BICC1: variants seen among roughly 807,000 people sequenced by gnomAD.
BICC1 encodes protein bicaudal C homolog 1.
BICC1 carries 43 observed loss-of-function variants against 111.0 expected under a neutral mutation model. The ratio of observed to expected loss-of-function variants is 0.39; its 90% CI spans 0.30 to 0.50. BICC1 has a LOEUF of 0.50. Among genes scored for constraint, BICC1 ranks in the 20% least tolerant of loss-of-function variants. BICC1 has a pLI of 0.88. For synonymous variants in BICC1, 467 were observed against 434.4 expected (o/e 1.07, Z -0.93); for missense variants, 1,091 against 1,203.2 (o/e 0.91, Z 1.38).
intron 2 of BICC1, among the ~76,000 whole-genome samples, chr10:58,672,196 T>C (rs1264888059): frequency 6.6e-6 from 1 of 152,150 alleles, no homozygotes; most frequent in Non-Finnish European, 1.5e-5. Flanking sequence ...CCAGAACTTT[T>C]TCATTATCCA....
chr10:58,824,111 G>A lies in BICC1; in HGVS notation c.2794+3643G>A, dbSNP rs564172075. On this transcript the variant is annotated intron_variant, in intron 20 of 20. Coordinates refer to ENST00000373886, the MANE Select transcript of BICC1 (RefSeq NM_001080512.3). ...GTTATCTGGCATACTTGGAACTATC[G>A]ATTTCTCAGATTTGTATTCCTGATG... 18 of 983,446 alleles carry A rather than the reference G, an allele frequency of 1.8e-5. No individual in the cohort carries two copies. The African/African-American group carries it at 1.9e-4, about 10-fold the overall frequency. 60.9% of individuals were successfully genotyped at this position (983,446 alleles called of 1,614,324 possible).
At chr10:58,614,086 A>G (rs1264010647) in intron 1 of BICC1, among the ~76,000 whole-genome samples, 1 of 152,146 alleles carries the variant, frequency 6.6e-6, no homozygotes, top group East Asian at 1.9e-4. Context: ...TTTTGATACT[A>G]ATGAATGCAG....
chr10:58,813,623 CT>C (rs969225421), intron 17 of BICC1, among the ~76,000 whole-genome samples: 2 of 152,308 alleles, frequency 1.3e-5, no homozygotes, highest in Admixed American at 1.3e-4. Flanking sequence ...AAAGACTTCA[CT>C]GTGCAAATTA....
intron 3 of BICC1, among the ~76,000 whole-genome samples, chr10:58,757,871 T>C (rs191533757): frequency 9.3e-4 from 141 of 152,312 alleles, no homozygotes; most frequent in Non-Finnish European, 1.7e-3. Context: ...GCTTCTCTTT[T>C]TGCTGCCACA....
chr10:58,789,962 T>C lies in BICC1; in HGVS notation c.1047+29T>C, dbSNP rs750134253. 16 of 1,610,516 alleles carry C rather than the reference T, an allele frequency of 9.9e-6. No homozygotes were observed. In the Middle Eastern group the frequency reaches 4.9e-4, roughly 50 times the overall value. On this transcript the variant is annotated intron_variant, in intron 8 of 20. Coordinates refer to ENST00000373886, the MANE Select transcript of BICC1 (RefSeq NM_001080512.3). ...AGGTTACTGAAATAAGTGTTACAAT[T>C]TTTTTAAACCTCTTTGGATTCAGTG... is the stretch of plus-strand genomic sequence containing the variant.
chr10:58,672,876 G>A (rs1298367622), intron 2 of BICC1, among the ~76,000 whole-genome samples: 1 of 152,186 alleles, frequency 6.6e-6, no homozygotes, highest in Non-Finnish European at 1.5e-5. Context: ...CCAGAGTTTG[G>A]AAAGTTTAGT....
At chr10:58,798,263 A>C (rs573928310) in intron 10 of BICC1, 136 bp from the exon 11 acceptor site, 70 of 689,874 alleles carry the variant, frequency 1.0e-4, no homozygotes, top group Non-Finnish European at 1.5e-4. Flanking sequence ...ATTTGAAAGA[A>C]AATCTGTCAT....
intron 3 of BICC1, among the ~76,000 whole-genome samples, chr10:58,783,420 T>C (rs898316784): frequency 5.9e-5 from 9 of 152,012 alleles, no homozygotes; most frequent in African/African-American, 2.2e-4. Flanking sequence ...AATTGCCCAA[T>C]TGCAACATAA....
At chr10:58,634,199 G>A (rs1837885615) in intron 2 of BICC1, among the ~76,000 whole-genome samples, 1 of 151,808 alleles carries the variant, frequency 6.6e-6, no homozygotes, top group Non-Finnish European at 1.5e-5. Context: ...CACTATGTTA[G>A]CCAGACTGTT....
At chr10:58,659,793 GTTA>G (rs1838781056) in intron 2 of BICC1, among the ~76,000 whole-genome samples, 1 of 152,126 alleles carries the variant, frequency 6.6e-6, no homozygotes, top group Non-Finnish European at 1.5e-5. Flanking sequence ...GAAAATAGTA[GTTA>G]TTGGTGAAAA....
At chr10:58,770,395 CA>C (rs1589122495) in intron 3 of BICC1, among the ~76,000 whole-genome samples, 1 of 151,926 alleles carries the variant, frequency 6.6e-6, no homozygotes, top group Non-Finnish European at 1.5e-5. Context: ...AACCTTTCTC[CA>C]CCAAGTAATT....
At chr10:58,738,563 C>T (rs1197172299) in intron 3 of BICC1, among the ~76,000 whole-genome samples, 1 of 151,804 alleles carries the variant, frequency 6.6e-6, no homozygotes, top group East Asian at 1.9e-4. Flanking sequence ...ATTGACTTGG[C>T]AATGCAGGCT....
chr10:58,646,540 G>A (rs1365282085), intron 2 of BICC1, among the ~76,000 whole-genome samples: 2 of 152,140 alleles, frequency 1.3e-5, no homozygotes, highest in African/African-American at 2.4e-5. Context: ...TGAGGGTATG[G>A]ATTTCCTTCT....
At chr10:58,562,139 G>A (rs530796291) in intron 1 of BICC1, among the ~76,000 whole-genome samples, 59 of 152,070 alleles carry the variant, frequency 3.9e-4, no homozygotes, top group South Asian at 2.5e-3. Flanking sequence ...TTGAGCTATC[G>A]TATCTTTTCC....
intron 1 of BICC1, among the ~76,000 whole-genome samples, chr10:58,604,018 C>G (rs900876257): frequency 6.6e-6 from 1 of 152,234 alleles, no homozygotes; most frequent in East Asian, 1.9e-4. Flanking sequence ...AAGGGGGTCC[C>G]TCTTCTTTTT....
chr10:58,800,755 C>A, intron 13 of BICC1, 135 bp from the exon 14 acceptor site: 1 of 834,296 alleles, frequency 1.2e-6, no homozygotes, highest in Non-Finnish European at 1.8e-6. Context: ...TGTTTCTTTG[C>A]AGATGGAAGA....
intron 2 of BICC1, among the ~76,000 whole-genome samples, chr10:58,671,319 A>G (rs960738081): frequency 6.6e-6 from 1 of 152,194 alleles, no homozygotes; most frequent in African/African-American, 2.4e-5. Context: ...GCTGTTTTCC[A>G]GAGACCTCAG....
intron 3 of BICC1, among the ~76,000 whole-genome samples, chr10:58,754,341 G>A (rs1056375432): frequency 1.3e-5 from 2 of 152,114 alleles, no homozygotes; most frequent in African/African-American, 4.8e-5. Flanking sequence ...GATGTTTTTT[G>A]ATTCAGTTGA....
chr10:58,513,906 G>C (rs1045144296), intron 1 of BICC1, among the ~76,000 whole-genome samples: 2 of 152,230 alleles, frequency 1.3e-5, no homozygotes, highest in African/African-American at 4.8e-5. Flanking sequence ...CAAAGCGAGG[G>C]GGGAGTGTGG....
Sources: allele counts gnomAD v4.1 joint callset (sites outside exome capture counted in the v4.1 genomes callset), GRCh38; gene constraint gnomAD v4.1.1; transcripts MANE v1.5; gene names NCBI Gene and HGNC (gene_info 2026-07-23, HGNC 2026-07-21).